The following CELA2A variants were observed in gnomAD, a reference collection of about 807,000 sequenced individuals.
The protein encoded by CELA2A is chymotrypsin-like elastase family member 2A.
A neutral mutation model predicts 35.3 loss-of-function variants in CELA2A; 31 were observed. That is an observed-to-expected ratio of 0.88 (90% CI 0.66 to 1.19). The LOEUF is 1.19. Ranked by LOEUF, CELA2A falls within the 50% of genes most tolerant of loss-of-function variation. The pLI, the probability that CELA2A is intolerant of heterozygous loss-of-function variation, is 0.00. For missense variants in CELA2A, 330 were observed against 352.9 expected (o/e 0.94, Z 0.52); for synonymous variants, 150 against 149.8 (o/e 1.00, Z -0.01).
chr1:15,460,736 A>C (rs1191843268), intron 2 of CELA2A, among the ~76,000 whole-genome samples: 2 of 150,804 alleles, frequency 1.3e-5, no homozygotes, highest in Non-Finnish European at 2.9e-5. Context: ...AGTTCTCACT[A>C]TGGTGCCCAG....
chr1:15,469,297 G>C lies in CELA2A; in HGVS notation c.792+1759G>C, dbSNP rs72474556. ...GACACTCTGTGCCAATGAGGGACCA[G>C]CTCAGTTTGCTCTTCTGTAAAATGG... On this transcript the variant is annotated intron_variant, in intron 7 of 7. Transcript: ENST00000359621. 3.3e-5 allele frequency among the ~76,000 whole-genome samples: 5 copies of C among 152,204 alleles called. No homozygotes were observed. The East Asian group carries it at 9.6e-4, about 29-fold the overall frequency.
At chr1:15,463,261 C>A in intron 4 of CELA2A, 125 bp from the exon 5 acceptor site, 1 of 1,472,796 alleles carries the variant, frequency 6.8e-7, no homozygotes, top group South Asian at 1.3e-5. Flanking sequence ...CCCTGGGGCC[C>A]TGCCAGTCAG....
At chr1:15,467,960 C>T (rs985402627) in intron 7 of CELA2A, among the ~76,000 whole-genome samples, 3 of 151,878 alleles carry the variant, frequency 2.0e-5, no homozygotes, top group East Asian at 1.9e-4. Context: ...GGTGTGGTAG[C>T]GCACTCCTGT....
chr1:15,468,916 G>A (rs1017986597), intron 7 of CELA2A, among the ~76,000 whole-genome samples: 10 of 152,330 alleles, frequency 6.6e-5, no homozygotes, highest in African/African-American at 2.2e-4. Flanking sequence ...GGTGGCTCAC[G>A]CCTGTAATCC....
At chr1:15,465,301 G>T (rs577029378) in intron 5 of CELA2A, among the ~76,000 whole-genome samples, 1 of 151,942 alleles carries the variant, frequency 6.6e-6, no homozygotes, top group Non-Finnish European at 1.5e-5. Context: ...TGAGCACCGC[G>T]CCCGACCGAC....
At chr1:15,466,398 C>T (rs1708518622) in intron 6 of CELA2A, among the ~76,000 whole-genome samples, 1 of 152,002 alleles carries the variant, frequency 6.6e-6, no homozygotes. Context: ...CTTGTGTCTA[C>T]TAAAACTAAA....
At chr1:15,465,774 T>C (rs1168907599) in intron 5 of CELA2A, 2 of 556,172 alleles carry the variant, frequency 3.6e-6, no homozygotes, top group Non-Finnish European at 6.4e-6. Flanking sequence ...CGGAATCTCA[T>C]AGACCCCATC....
intron 2 of CELA2A, among the ~76,000 whole-genome samples, chr1:15,460,948 A>G (rs1330480250): frequency 6.6e-6 from 1 of 152,018 alleles, no homozygotes; most frequent in Non-Finnish European, 1.5e-5. Flanking sequence ...GGTTTAACTG[A>G]CTCATAGCTC....
At chr1:15,462,619 C>T in intron 3 of CELA2A, 114 bp from the exon 4 acceptor site, 1 of 1,317,468 alleles carries the variant, frequency 7.6e-7, no homozygotes, top group East Asian at 2.3e-5. Flanking sequence ...GAGGAAAGAT[C>T]CCCAAGTCCC....
At chr1:15,465,217 G>T (rs1708500221) in intron 5 of CELA2A, among the ~76,000 whole-genome samples, 1 of 151,866 alleles carries the variant, frequency 6.6e-6, no homozygotes, top group African/African-American at 2.4e-5. Flanking sequence ...CACCATGTTG[G>T]CCAGGCTGGT....
intron 5 of CELA2A, 67 bp from the exon 6 acceptor site, chr1:15,465,932 G>C (rs1708510966): frequency 6.3e-7 from 1 of 1,575,648 alleles, no homozygotes; most frequent in East Asian, 2.2e-5. Flanking sequence ...AACCTAAGAC[G>C]GGTCCATCAC....
chr1:15,470,993 A>ATACTGTTCTGCAGCTGTTTTTC, intron 7 of CELA2A, among the ~76,000 whole-genome samples: 1 of 152,250 alleles, frequency 6.6e-6, no homozygotes, highest in African/African-American at 2.4e-5. Context: ...CTGAGTCTTC[A>ATACTGTTCTGCAGCTGTTTTTC]TACTGTTCTG....
At position 15,463,510 on chromosome 1, in the gene CELA2A, G is replaced by T. The variant is rs776933017; in HGVS notation, c.481G>T (p.Gly161Ter). Residue 161 changes from glycine (G) to a stop codon, truncating the protein, a stop_gained, in exon 5 of 8, where the codon GGA becomes TGA. Coordinates refer to ENST00000359621, the MANE Select transcript of CELA2A (RefSeq NM_033440.3). LOFTEE classifies it high-confidence loss of function. ...CTACCCCTGCTACGTCACGGGCTGG[G>T]GAAGGCTGCAGAGTAAGTGGGAGCC... ...NNYPCYVTGWGRLQTNGAVPD... is the reference protein window; with the variant it reads ...NNYPCYVTGW 2.2e-5 allele frequency: 36 copies of T among 1,613,772 alleles called. No individual in the cohort carries two copies. In the South Asian group the frequency reaches 4.0e-4, roughly 18 times the overall value.
In CELA2A at chr1:15,461,213, T is replaced by A. The variant is rs140170354; in HGVS notation, c.130-348T>A. On this transcript the variant is annotated intron_variant, in intron 2 of 7. Coordinates refer to ENST00000359621, the MANE Select transcript of CELA2A (RefSeq NM_033440.3). ...GGATTATAAGAACTATAATTCAAGA[T>A]GAGATTTGGGTAGGGACACAGCCAA... 5.3e-3 allele frequency among the ~76,000 whole-genome samples: 810 copies of A among 152,200 alleles called. 10 individuals carry two copies. The highest frequency in any genetic ancestry group is 0.019 in the African/African-American group (774 of 41,522).
intron 5 of CELA2A, among the ~76,000 whole-genome samples, chr1:15,464,047 G>A (rs1294772601): frequency 3.9e-5 from 6 of 152,022 alleles, no homozygotes; most frequent in Non-Finnish European, 5.9e-5. Flanking sequence ...GCGAGACTCC[G>A]CCTCAAAAAC....
At chr1:15,462,650 G>A (rs1417054268) in intron 3 of CELA2A, 83 bp from the exon 4 acceptor site, 2 of 1,544,284 alleles carry the variant, frequency 1.3e-6, no homozygotes, top group South Asian at 1.2e-5. Flanking sequence ...TCACGCAGCA[G>A]CCAGTTACTT....
At chr1:15,457,595 GC>G in intron 2 of CELA2A, 1 of 152,958 alleles carries the variant, frequency 6.5e-6, no homozygotes, top group Non-Finnish European at 1.4e-5. Context: ...GGGCAACAAA[GC>G]AAGACTCTGT....
Position 15,472,086 on chromosome 1 carries a change from A to T in CELA2A, c.*79A>T. The stretch of plus-strand genomic sequence containing the variant: ...TAATATAATAAAGTGACAACTATGC[A>T]AATCACATCTTGATGAGAGATTTAT... On this transcript the variant is annotated 3_prime_UTR_variant, in exon 8 of 8. Coordinates refer to ENST00000359621, the MANE Select transcript of CELA2A (RefSeq NM_033440.3). 6.3e-7 allele frequency: 1 copy of T among 1,575,106 alleles called. No individual in the cohort carries two copies. Among genetic ancestry groups the T allele is most frequent in the Non-Finnish European group, 8.7e-7 (1 of 1,144,994 alleles).
At chr1:15,460,307 AT>A (rs1336389778) in intron 2 of CELA2A, among the ~76,000 whole-genome samples, 4 of 8,766 alleles carry the variant, frequency 4.6e-4, no homozygotes, top group African/African-American at 7.8e-4. Context: ...ACATTTTTAA[AT>A]TGGGGGGGGG....
Sources: allele counts gnomAD v4.1 joint callset (sites outside exome capture counted in the v4.1 genomes callset), GRCh38; gene constraint gnomAD v4.1.1; transcripts MANE v1.5; gene names NCBI Gene and HGNC (gene_info 2026-07-23, HGNC 2026-07-21).